SCNN1B: variants seen among roughly 807,000 people sequenced by gnomAD.
SCNN1B encodes the protein sodium channel epithelial 1 subunit beta.
In SCNN1B, 46 loss-of-function variants were observed where a neutral mutation model predicts 65.3. The ratio of observed to expected loss-of-function variants is 0.70; its 90% confidence interval spans 0.56 to 0.90. SCNN1B has a LOEUF of 0.90. Among genes scored for constraint, SCNN1B ranks in the 40% least tolerant of loss-of-function variants. SCNN1B has a pLI of 0.00. For missense variants in SCNN1B, 751 were observed against 830.5 expected, an observed-to-expected ratio of 0.90 and a Z score of 1.18; for synonymous variants, 349 against 330.6, an observed-to-expected ratio of 1.06 and a Z score of -0.60.
intron 10 of SCNN1B, among the ~76,000 whole-genome samples, chr16:23,377,940 G>A (rs922122904): frequency 6.6e-6 from 1 of 152,182 alleles, no homozygotes; most frequent in African/African-American, 2.4e-5. Flanking sequence ...TGTGATTATG[G>A]CTGTGAAATA....
Position 23,367,896 on chromosome 16 carries a change from T to C in SCNN1B, c.817T>C (p.Tyr273His), listed in dbSNP as rs1962703507. 6.2e-7 allele frequency: 1 copy of C among 1,614,226 alleles called. No individual in the cohort carries two copies. Among genetic ancestry groups the C allele is most frequent in the East Asian group, 2.2e-5 (1 of 44,874 alleles). Residue 273 changes from tyrosine (Y) to histidine (H), a missense_variant, in exon 5 of 13, where the codon TAC becomes CAC. Transcript: ENST00000343070. ...CTTCTACCCTCACTATGGCAACTGT[T>C]ACATCTTCAACTGGGGCATGACAGA... The part of the protein sequence containing the change: ...SIFYPHYGNC[Y>H]IFNWGMTEKA...
At position 23,348,495 on chromosome 16, in the gene SCNN1B, G is replaced by A. The variant is rs191562800; in HGVS notation, c.-8-97G>A. 3.6e-4 allele frequency: 392 copies of A among 1,092,136 alleles called. 1 individual carries two copies. In the East Asian group the frequency reaches 4.1e-3, roughly 12 times the overall value. 67.7% of individuals were successfully genotyped at this position (1,092,136 alleles called of 1,614,324 possible). A position where few individuals can be genotyped will look rare whatever the true frequency, so the allele number is the denominator to read the frequency against. On this transcript the variant is annotated intron_variant, in intron 1 of 12. Transcript: ENST00000343070. This position sits in a 1 kb window ranked among gnomAD's most constrained non-coding sequence, Gnocchi z 4.5. ...GGGAGGGTAAAGAGGGAGGAAGAAC[G>A]GGGACGTACCGCCGCCCAGTTCCTG...
At chr16:23,365,914 A>C (rs190696701) in intron 4 of SCNN1B, among the ~76,000 whole-genome samples, 1 of 152,352 alleles carries the variant, frequency 6.6e-6, no homozygotes, top group East Asian at 1.9e-4. Flanking sequence ...CCTGGACCCA[A>C]GTCATTCTGC....
intron 9 of SCNN1B, 41 bp downstream of exon 9, chr16:23,377,281 A>G: frequency 6.2e-7 from 1 of 1,613,996 alleles, no homozygotes. Context: ...GCAGGCATGG[A>G]GGGGCATCAC....
At chr16:23,343,958 T>C (rs940358899) in intron 1 of SCNN1B, among the ~76,000 whole-genome samples, 1 of 152,216 alleles carries the variant, frequency 6.6e-6, no homozygotes, top group Non-Finnish European at 1.5e-5. Context: ...ATCATAAAGT[T>C]GTTTGCAGCA....
At chr16:23,312,059 AG>A (rs142110658) in intron 1 of SCNN1B, among the ~76,000 whole-genome samples, 3,272 of 152,232 alleles carry the variant, frequency 0.021, 50 homozygotes, top group Non-Finnish European at 0.035. Flanking sequence ...TGCCTGCCCT[AG>A]GAGAAGGGAC....
chr16:23,368,283 A>G (rs1311151208), intron 5 of SCNN1B, among the ~76,000 whole-genome samples: 1 of 152,176 alleles, frequency 6.6e-6, no homozygotes, highest in African/African-American at 2.4e-5. Flanking sequence ...TCATGCCTGT[A>G]ATCCCAACAC....
intron 1 of SCNN1B, among the ~76,000 whole-genome samples, chr16:23,334,137 A>G (rs1299259192): frequency 1.3e-5 from 2 of 152,126 alleles, no homozygotes; most frequent in Non-Finnish European, 2.9e-5. Context: ...ACATGCCCCC[A>G]ACAGGGTGGA....
chr16:23,306,192 G>A lies in SCNN1B; in HGVS notation c.-9+3755G>A, dbSNP rs78209262. On this transcript the variant is annotated intron_variant, in intron 1 of 12. Coordinates refer to ENST00000343070, the MANE Select transcript of SCNN1B (RefSeq NM_000336.3). ...CAGAAGGTGGAGATTGCGATGAGCC[G>A]AGATTGCATCGTTGCACTCTAGCCT... 8.8e-3 allele frequency among the ~76,000 whole-genome samples: 1,328 copies of A among 151,438 alleles called. 23 individuals carry two copies. Among genetic ancestry groups the A allele is most frequent in the African/African-American group, 0.03 (1,241 of 41,182 alleles).
intron 4 of SCNN1B, among the ~76,000 whole-genome samples, chr16:23,363,141 G>A (rs1169660159): frequency 1.3e-5 from 2 of 152,122 alleles, no homozygotes; most frequent in Admixed American, 1.3e-4. Context: ...TGCTCTTATC[G>A]CCTATTGTAA....
chr16:23,374,565 C>G (rs1271653712), intron 7 of SCNN1B, among the ~76,000 whole-genome samples: 2 of 119,334 alleles, frequency 1.7e-5, no homozygotes, highest in African/African-American at 3.5e-5. Flanking sequence ...CAGAGCAAGA[C>G]TCCATCTCAA....
At chr16:23,320,818 C>G (rs1961571804) in intron 1 of SCNN1B, among the ~76,000 whole-genome samples, 1 of 152,180 alleles carries the variant, frequency 6.6e-6, no homozygotes. Context: ...AGGCCACACC[C>G]CCACAGAGAG....
At chr16:23,318,451 C>T (rs1160315361) in intron 1 of SCNN1B, among the ~76,000 whole-genome samples, 1 of 151,942 alleles carries the variant, frequency 6.6e-6, no homozygotes, top group African/African-American at 2.4e-5. Context: ...TCTACTAAAA[C>T]TACAAAAATT....
chr16:23,348,879 G>A lies in SCNN1B; in HGVS notation c.280G>A (p.Ala94Thr), dbSNP rs188052279. Residue 94 changes from alanine to threonine, a missense_variant, in exon 2 of 13, where the codon GCC becomes ACC. Physicochemically the swap from Ala to Thr is moderately conservative, Grantham distance 58 (BLOSUM62 0). Transcript: ENST00000343070. This position sits in a 1 kb window ranked among gnomAD's most constrained non-coding sequence, Gnocchi z 4.5. Reference protein sequence around the residue: ...SVGFKTMDFPAVTICNASPFK... With the variant: ...SVGFKTMDFPTVTICNASPFK... Reference sequence around the variant, plus strand: ...AGGCTTCAAGACCATGGACTTCCCTGCCGTCACCATCTGCAATGCTAGCCC... The same window carrying A: ...AGGCTTCAAGACCATGGACTTCCCTACCGTCACCATCTGCAATGCTAGCCC... 5.0e-6 allele frequency: 8 copies of A among 1,614,112 alleles called. No individual in the cohort carries two copies. The highest frequency in any genetic ancestry group is 2.2e-5 in the South Asian group (2 of 91,074).
chr16:23,377,753 T>TC, intron 10 of SCNN1B, among the ~76,000 whole-genome samples: 2 of 101,826 alleles, frequency 2.0e-5, no homozygotes, highest in Non-Finnish European at 4.6e-5. Context: ...TTTCCTTCTT[T>TC]CTTTCCTTCC....
In SCNN1B at chr16:23,375,876, T is replaced by C. The variant is rs756621160; in HGVS notation, c.1270+21T>C. On this transcript the variant is annotated intron_variant, in intron 8 of 12. Transcript: ENST00000343070. Reference sequence around the variant, plus strand: ...CTGGGGTGAGCGGGGGCACGGGGGATCGGCACTCCAGCCATCTGGGGCCAC... The same window carrying C: ...CTGGGGTGAGCGGGGGCACGGGGGACCGGCACTCCAGCCATCTGGGGCCAC... 4.0e-6 allele frequency: 6 copies of C among 1,502,026 alleles called. 1 individual carries two copies. The South Asian group carries it at 5.6e-5, about 14-fold the overall frequency. 93.0% of individuals were successfully genotyped at this position (1,502,026 alleles called of 1,614,324 possible). A position where few individuals can be genotyped will look rare whatever the true frequency, so the allele number is the denominator to read the frequency against.
chr16:23,374,983 C>T (rs1395730701), intron 7 of SCNN1B, among the ~76,000 whole-genome samples: 1 of 152,136 alleles, frequency 6.6e-6, no homozygotes, highest in African/African-American at 2.4e-5. Context: ...AGACAGGTGT[C>T]CTCAGCACCC....
intron 7 of SCNN1B, among the ~76,000 whole-genome samples, chr16:23,375,050 T>C (rs1380879433): frequency 6.6e-6 from 1 of 151,968 alleles, no homozygotes; most frequent in African/African-American, 2.4e-5. Flanking sequence ...CTAGGACACA[T>C]AGCTGGTCTC....
intron 1 of SCNN1B, chr16:23,303,891 C>A: frequency 3.0e-6 from 2 of 675,122 alleles, no homozygotes; most frequent in Non-Finnish European, 5.4e-6. Context: ...TGCACTCTAG[C>A]CTGAGTGAAA....
Sources: gnomAD v4.1 joint callset for allele counts (sites outside exome capture counted in the v4.1 genomes callset) on GRCh38, gnomAD v4.1.1 for gene constraint, Gnocchi (gnomAD v3.1) non-coding constraint, MANE v1.5 for transcripts, NCBI Gene and HGNC (gene_info 2026-07-23, HGNC 2026-07-21) for gene names.